Variants in CEP295 observed in about 807,000 individuals in gnomAD.
The protein encoded by CEP295 is centrosomal protein 295, also known as centrosomal protein of 295 kDa.
Under a neutral mutation model 291.6 loss-of-function variants are expected in CEP295, and 190 were observed. The ratio of observed to expected loss-of-function variants is 0.65; its 90% CI spans 0.58 to 0.73. CEP295 has a LOEUF of 0.73. Among genes scored for constraint, CEP295 ranks in the 30% least tolerant of loss-of-function variants. The pLI, the probability that CEP295 is intolerant of heterozygous loss-of-function variation, is 0.00. For synonymous variants in CEP295, 993 were observed against 1,038.8 expected (o/e 0.96, Z 0.85); for missense variants, 2,863 against 2,949.4 (o/e 0.97, Z 0.68).
intron 9 of CEP295, among the ~76,000 whole-genome samples, chr11:93,685,061 C>T (rs537577288): frequency 6.6e-6 from 1 of 152,248 alleles, no homozygotes; most frequent in African/African-American, 2.4e-5. Context: ...CTAAAACTGT[C>T]TCTACCTGTC....
In CEP295 at chr11:93,695,560, A is replaced by G. The variant is rs1472010823; in HGVS notation, c.1597A>G (p.Lys533Glu). Reference sequence around the variant, plus strand: ...ATTACTTGAACAAATTGAACAGCAGAAATTAAGATTAGAAACTGACTGCTT... The same window carrying G: ...ATTACTTGAACAAATTGAACAGCAGGAATTAAGATTAGAAACTGACTGCTT... The part of the protein sequence containing the change: ...LELLEQIEQQ[K>E]LRLETDCFRA... Residue 533 changes from lysine to glutamate, a missense_variant, in exon 13 of 30, where the codon AAA (lysine) becomes GAA (glutamate). This residue lies in a region of CEP295 where 2,295 missense variants were observed against 2,335.7 expected (regional missense o/e 0.98). Transcript: ENST00000325212. The G allele has an allele frequency of 4.7e-6, 7 of 1,489,476 alleles. No individual in the cohort carries two copies. The South Asian group carries it at 9.7e-5, about 21-fold the overall frequency. The allele number at this position is 1,489,476 out of a possible 1,614,324, so 92.3% of individuals were successfully genotyped here.
In CEP295 at chr11:93,705,230, C is replaced by T. The variant is rs368732855; in HGVS notation, c.5597-1515C>T. On this transcript the variant is annotated intron_variant, in intron 17 of 29. Coordinates refer to ENST00000325212, the MANE Select transcript of CEP295 (RefSeq NM_033395.2). ...TTCTTAACAAGGGTGTTTTTTCCCCCAGAGGGATAAAAATTGGTTCTTGGG... is the reference window on the plus strand; with the variant it reads ...TTCTTAACAAGGGTGTTTTTTCCCCTAGAGGGATAAAAATTGGTTCTTGGG... Among the ~76,000 whole-genome samples, 5 of 151,938 alleles carry T rather than the reference C, an allele frequency of 3.3e-5. No individual in the cohort carries two copies. In the South Asian group the frequency reaches 8.3e-4, roughly 25 times the overall value.
chr11:93,679,354 A>G, intron 6 of CEP295, 58 bp from the exon 7 acceptor site: 1 of 1,433,166 alleles, frequency 7.0e-7, no homozygotes, highest in Non-Finnish European at 9.4e-7. Context: ...TTTGTTTTTT[A>G]GTTACTGCTT....
chr11:93,707,667 T>A (rs1952599702), intron 18 of CEP295, among the ~76,000 whole-genome samples: 1 of 151,762 alleles, frequency 6.6e-6, no homozygotes, highest in Non-Finnish European at 1.5e-5. Flanking sequence ...GAGAATGGCG[T>A]GAACCTGGGA....
intron 16 of CEP295, 28 bp from the exon 17 acceptor site, chr11:93,702,748 G>A: frequency 2.6e-6 from 4 of 1,549,746 alleles, no homozygotes; most frequent in Non-Finnish European, 3.5e-6. Context: ...ATTTTGTATT[G>A]TATCCAACTT....
At position 93,692,003 on chromosome 11, in the gene CEP295, G is replaced by A. The variant is rs1435347613; in HGVS notation, c.1506G>A (p.Arg502=). 2.6e-6 allele frequency: 4 copies of A among 1,529,512 alleles called. No homozygotes were observed. In the African/African-American group the frequency reaches 4.1e-5, roughly 16 times the overall value. 94.7% of individuals were successfully genotyped at this position (1,529,512 alleles called of 1,614,324 possible). ...TTCATCCTCAAGAAGCAGCAGCCAGGATTAGAATGTCAGCAAGGCAGAAAC... is the reference window on the plus strand; with the variant it reads ...TTCATCCTCAAGAAGCAGCAGCCAGAATTAGAATGTCAGCAAGGCAGAAAC... ...VLLHPQEAAA[R]IRMSARQKQI... Residue 502 remains arginine (R), a synonymous_variant, in exon 12 of 30, where the codon AGG becomes AGA. Transcript: ENST00000325212.
At chr11:93,662,269 C>CT (rs1430572444) in intron 1 of CEP295, among the ~76,000 whole-genome samples, 2 of 152,234 alleles carry the variant, frequency 1.3e-5, no homozygotes, top group African/African-American at 2.4e-5. Context: ...GTCCTTAATA[C>CT]TTAGAGTGTA....
intron 5 of CEP295, among the ~76,000 whole-genome samples, chr11:93,672,355 T>C (rs987642610): frequency 6.6e-6 from 1 of 152,130 alleles, no homozygotes; most frequent in Admixed American, 6.5e-5. Context: ...AGACTTCTCA[T>C]GTATCTATAC....
Position 93,729,687 on chromosome 11 carries a change from GGA to G in CEP295, c.7478_7479del (p.Arg2493IlefsTer11). On this transcript the variant is annotated frameshift_variant, in exon 27 of 30. Transcript: ENST00000325212. LOFTEE classifies it high-confidence loss of function. ...TTATAAAGAGGAAAAAATCATTTATGGAGAGATCCCACCAGAGGCAGAAAGAA... is the reference window on the plus strand; with the variant it reads ...TTATAAAGAGGAAAAAATCATTTATGGAGATCCCACCAGAGGCAGAAAGAA... ...AFIKRKKSFMERSHQRQKEIR... is the reference protein window; with the variant it reads ...AFIKRKKSFMXRSHQRQKEIR... 1 of 1,550,512 alleles carries G rather than the reference GGA, an allele frequency of 6.4e-7. No homozygotes were observed. The highest frequency in any genetic ancestry group is 8.7e-7 in the Non-Finnish European group (1 of 1,146,058).
Position 93,725,841 on chromosome 11 carries a change from A to AC in CEP295, c.6499+11dup. ...GAAAATATTATTGGGGGTATGTATG[A>AC]CTAAGTTAGAAAAAGTTAATTTTTC... On this transcript the variant is annotated intron_variant, in intron 23 of 29. Transcript: ENST00000325212. 1 of 1,545,688 alleles carries AC rather than the reference A, an allele frequency of 6.5e-7. No individual in the cohort carries two copies. Among genetic ancestry groups the AC allele is most frequent in the Non-Finnish European group, 8.7e-7 (1 of 1,144,666 alleles).
intron 5 of CEP295, among the ~76,000 whole-genome samples, chr11:93,671,302 C>T (rs1249909552): frequency 3.3e-5 from 5 of 151,686 alleles, no homozygotes; most frequent in South Asian, 2.1e-4. Context: ...TTTCCTTTCT[C>T]TTTTGTTACT....
intron 1 of CEP295, among the ~76,000 whole-genome samples, chr11:93,664,329 A>G (rs1950115773): frequency 6.6e-6 from 1 of 152,258 alleles, no homozygotes; most frequent in Non-Finnish European, 1.5e-5. Context: ...GTTAGGAGCC[A>G]TTTGGAATAA....
intron 18 of CEP295, 141 bp downstream of exon 18, chr11:93,707,038 C>T: frequency 1.4e-6 from 1 of 701,020 alleles, no homozygotes. Flanking sequence ...ATGCAGTTAA[C>T]TATATTGTTC....
At chr11:93,711,752 C>T (rs1222620160) in intron 18 of CEP295, among the ~76,000 whole-genome samples, 1 of 152,012 alleles carries the variant, frequency 6.6e-6, no homozygotes, top group African/African-American at 2.4e-5. Context: ...AACAAGTGAT[C>T]CGCCCACCTC....
At chr11:93,716,021 G>A (rs61921275) in intron 18 of CEP295, among the ~76,000 whole-genome samples, 184 of 152,200 alleles carry the variant, frequency 1.2e-3, no homozygotes, top group Non-Finnish European at 2.1e-3. Flanking sequence ...ACCCCTCCAA[G>A]TCTACAAGCT....
chr11:93,729,979 ATTT>A lies in CEP295; in HGVS notation c.7667+24_7667+26del, dbSNP rs200136546. 723 of 1,388,974 alleles carry A rather than the reference ATTT, an allele frequency of 5.2e-4. No individual in the cohort carries two copies. In the African/African-American group the frequency reaches 8.3e-3, roughly 16 times the overall value. 86.0% of individuals were successfully genotyped at this position (1,388,974 alleles called of 1,614,324 possible). On this transcript the variant is annotated intron_variant, in intron 28 of 29. Coordinates refer to ENST00000325212, the MANE Select transcript of CEP295 (RefSeq NM_033395.2). ...ACCAAAGGGGTCTAAGGTAGGGTTA[ATTT>A]TTTTTTTTTTTTTAGTGATTCACTT...
At position 93,697,917 on chromosome 11, in the gene CEP295, A is replaced by G. The variant is rs1309048003; in HGVS notation, c.3005A>G (p.His1002Arg). Residue 1002 changes from histidine to arginine, a missense_variant, in exon 15 of 30, where the codon CAT (histidine) becomes CGT (arginine). His to Arg is a conservative substitution (Grantham distance 29). Around this residue, in one of 3 missense-constraint regions of CEP295, gnomAD observed 2,295 missense variants for 2,335.7 expected, o/e 0.98. Coordinates refer to ENST00000325212, the MANE Select transcript of CEP295 (RefSeq NM_033395.2). Reference sequence around the variant, plus strand: ...TCTTTCCCATTTCAGGTAGCTCAGCATACATTTACTTCACTACCATCTGCT... The same window carrying G: ...TCTTTCCCATTTCAGGTAGCTCAGCGTACATTTACTTCACTACCATCTGCT... ...EPSFPFQVAQ[H>R]TFTSLPSADT... 9 of 1,551,762 alleles carry G rather than the reference A, an allele frequency of 5.8e-6. No homozygotes were observed. Among genetic ancestry groups the G allele is most frequent in the Admixed American group, 3.9e-5 (2 of 51,008 alleles).
At chr11:93,661,906 G>C (rs979088005) in intron 1 of CEP295, 132 bp downstream of exon 1, 2 of 152,804 alleles carry the variant, frequency 1.3e-5, no homozygotes, top group South Asian at 2.1e-4. Flanking sequence ...GGTACGGCTC[G>C]CGTTTCTCAG....
rs1951899409 is a variant in CEP295, at chr11:93,697,450, T to C, written c.2538T>C (p.Asn846=). 6.4e-7 allele frequency: 1 copy of C among 1,552,132 alleles called. No individual in the cohort carries two copies. Among genetic ancestry groups the C allele is most frequent in the South Asian group, 1.2e-5 (1 of 84,060 alleles). Residue 846 remains asparagine, a synonymous_variant, in exon 15 of 30, where the codon AAT becomes AAC. Transcript: ENST00000325212. Reference sequence around the variant, plus strand: ...AGAATATCACAGCCCAGCAAGGTAATATGAAGGCCCTCCAAGAACAGTTAG... The same window carrying C: ...AGAATATCACAGCCCAGCAAGGTAACATGAAGGCCCTCCAAGAACAGTTAG... The part of the protein sequence containing the change: ...PSENITAQQG[N]MKALQEQLDL...
Sources: allele counts gnomAD v4.1 joint callset (sites outside exome capture counted in the v4.1 genomes callset), GRCh38; gene constraint gnomAD v4.1.1; regional missense constraint gnomAD v4.1.1; transcripts MANE v1.5; gene names NCBI Gene and HGNC (gene_info 2026-07-23, HGNC 2026-07-21).